CTDP1: variants seen among roughly 807,000 people sequenced by gnomAD.
The protein encoded by CTDP1 is RNA polymerase II subunit A C-terminal domain phosphatase.
Under a neutral mutation model 91.8 loss-of-function variants are expected in CTDP1, and 47 were observed. The observed-to-expected ratio is 0.51, with a 90% CI of 0.41 to 0.65. The LOEUF (loss-of-function observed/expected upper bound fraction) is 0.65, where lower values mean the gene tolerates loss of function less well. Ranked by LOEUF, CTDP1 falls within the 30% of genes least tolerant of loss-of-function variation. The pLI is 0.00. For synonymous variants in CTDP1, 656 were observed against 598.5 expected (o/e 1.10, Z -1.40); for missense variants, 1,272 against 1,373.7 (o/e 0.93, Z 1.17).
At chr18:79,689,190 C>G (rs1032860472) in intron 1 of CTDP1, among the ~76,000 whole-genome samples, 9 of 152,138 alleles carry the variant, frequency 5.9e-5, no homozygotes, top group African/African-American at 2.2e-4. Flanking sequence ...TGTATCATTG[C>G]CTGGTTTAGT....
intron 12 of CTDP1, among the ~76,000 whole-genome samples, chr18:79,748,964 G>A (rs539032251): frequency 3.3e-5 from 5 of 152,326 alleles, no homozygotes; most frequent in African/African-American, 4.8e-5. Context: ...GCTCTCCAGC[G>A]GGAGCTGAGG....
chr18:79,750,875 G>A (rs1340510099), intron 12 of CTDP1, among the ~76,000 whole-genome samples: 1 of 151,278 alleles, frequency 6.6e-6, no homozygotes, highest in Non-Finnish European at 1.5e-5. Flanking sequence ...GGATCCAGGG[G>A]TCCCAGTATG....
At chr18:79,687,916 G>A (rs1363895703) in intron 1 of CTDP1, among the ~76,000 whole-genome samples, 2 of 152,242 alleles carry the variant, frequency 1.3e-5, no homozygotes, top group South Asian at 2.1e-4. Context: ...TTTGAGACGT[G>A]CTGGGAACTG....
rs141176127 is a variant in CTDP1 at position 79,717,566 on chromosome 18, C to T, written c.2100C>T (p.Cys700=). 23 of 1,613,592 alleles carry T rather than the reference C, an allele frequency of 1.4e-5. No individual in the cohort carries two copies. The highest frequency in any genetic ancestry group is 4.4e-5 in the South Asian group (4 of 91,086). Residue 700 remains cysteine (C), a synonymous_variant, in exon 9 of 13, where the codon TGC becomes TGT. Coordinates refer to ENST00000613122, the MANE Select transcript of CTDP1 (RefSeq NM_004715.5). ...GTEKVLQAQE[C]GHLHVVNPDW... ...AGAAGGTGCTGCAGGCACAGGAGTG[C>T]GGACACCTGCACGTGGTCAACCCTG...
chr18:79,713,488 G>A lies in CTDP1; in HGVS notation c.1030+350G>A, dbSNP rs189286321. ...GTGTTCTGTAGAGAGAGTGAATGTG[G>A]GGGCGGTGGCTCTGCGGGGAATAAC... On this transcript the variant is annotated intron_variant, in intron 7 of 12. Transcript: ENST00000613122. The surrounding 1 kb of genome is among the most constrained non-coding windows in gnomAD (Gnocchi z 4.7). 6.6e-6 allele frequency among the ~76,000 whole-genome samples: 1 copy of A among 152,196 alleles called. No individual in the cohort carries two copies. Among genetic ancestry groups the A allele is most frequent in the Non-Finnish European group, 1.5e-5 (1 of 68,040 alleles).
At chr18:79,725,721 G>A (rs2086432481) in intron 10 of CTDP1, among the ~76,000 whole-genome samples, 1 of 151,992 alleles carries the variant, frequency 6.6e-6, no homozygotes, top group African/African-American at 2.4e-5. Flanking sequence ...GACCTGACCT[G>A]GAGTGTCCAT....
At chr18:79,679,611 T>G (rs2085309223), upstream of CTDP1, 4 of 475,584 alleles carry the variant, frequency 8.4e-6, no homozygotes, top group Admixed American at 2.3e-5. Context: ...GCGGCCCGCG[T>G]TGCATGCCGC....
chr18:79,705,587 C>T (rs905841773), intron 5 of CTDP1, among the ~76,000 whole-genome samples: 13 of 150,962 alleles, frequency 8.6e-5, no homozygotes, highest in Non-Finnish European at 1.6e-4. Context: ...GGGGACAGTG[C>T]GGGACGGCGA....
chr18:79,684,100 G>A (rs2085433743), intron 1 of CTDP1, among the ~76,000 whole-genome samples: 1 of 152,248 alleles, frequency 6.6e-6, no homozygotes, highest in Admixed American at 6.5e-5. Flanking sequence ...AGCGTCGCTT[G>A]TGTGCCATCA....
chr18:79,715,756 C>A (rs548860221), intron 8 of CTDP1, among the ~76,000 whole-genome samples: 1 of 152,202 alleles, frequency 6.6e-6, no homozygotes, highest in Non-Finnish European at 1.5e-5. Context: ...GGGAGTTACT[C>A]GTGTGTAGAA....
At chr18:79,720,145 CTGTGTCCTGGTGATGATGTCACCTGT>C (rs2086308224) in intron 10 of CTDP1, among the ~76,000 whole-genome samples, 1 of 130,158 alleles carries the variant, frequency 7.7e-6, no homozygotes, top group Non-Finnish European at 1.6e-5. Flanking sequence ...TCACCTCCCA[CTGTGTCCTGGTGATGATGTCACCTGT>C]TGTGTCCTGG....
chr18:79,719,177 G>A (rs2086282975), intron 10 of CTDP1, among the ~76,000 whole-genome samples: 1 of 152,210 alleles, frequency 6.6e-6, no homozygotes, highest in African/African-American at 2.4e-5. Context: ...GTTCCTCCCC[G>A]GTTTTCTGTT....
At chr18:79,706,961 C>A (rs1229078905) in intron 5 of CTDP1, among the ~76,000 whole-genome samples, 3 of 152,268 alleles carry the variant, frequency 2.0e-5, no homozygotes, top group Admixed American at 2.0e-4. Flanking sequence ...ATCTGGTGCC[C>A]GTGCAAGTGT....
intron 4 of CTDP1, among the ~76,000 whole-genome samples, chr18:79,701,988 C>T (rs550881022): frequency 1.3e-5 from 2 of 152,302 alleles, no homozygotes; most frequent in South Asian, 4.2e-4. Context: ...GGAATCTGCT[C>T]CTGGAGAAGA....
At chr18:79,697,229 G>A (rs1200386913) in intron 3 of CTDP1, among the ~76,000 whole-genome samples, 2 of 152,242 alleles carry the variant, frequency 1.3e-5, no homozygotes, top group Non-Finnish European at 2.9e-5. Flanking sequence ...CCCTGAGCGG[G>A]ACCAGGATTT....
rs1334549519 is a variant in CTDP1, at chr18:79,714,946, G to A, written c.1486G>A (p.Ala496Thr). Residue 496 changes from alanine to threonine, a missense_variant, in exon 8 of 13, where the codon GCG becomes ACG. Transcript: ENST00000613122. The stretch of plus-strand genomic sequence containing the variant: ...GAAGGCTGCCCCAGAGGGAGCCGGG[G>A]CGCTGGCACAGGGCAGTTCCCTGGA... ...KPKAAPEGAG[A>T]LAQGSSLEPG... is the part of the protein sequence containing the mutation. 2.6e-6 allele frequency: 4 copies of A among 1,563,960 alleles called. No homozygotes were observed. The East Asian group carries it at 7.0e-5, about 28-fold the overall frequency.
At chr18:79,735,120 C>T (rs1485337921) in intron 11 of CTDP1, among the ~76,000 whole-genome samples, 1 of 152,062 alleles carries the variant, frequency 6.6e-6, no homozygotes, top group African/African-American at 2.4e-5. Context: ...GAAGCGGCTT[C>T]ACACCGAGTC....
intron 10 of CTDP1, among the ~76,000 whole-genome samples, chr18:79,722,748 A>T (rs2086370041): frequency 6.6e-6 from 1 of 152,166 alleles, no homozygotes; most frequent in Admixed American, 6.5e-5. Flanking sequence ...TACATCAGAA[A>T]AAAGGAATCC....
At chr18:79,693,944 C>T (rs1451449619) in intron 1 of CTDP1, among the ~76,000 whole-genome samples, 3 of 152,240 alleles carry the variant, frequency 2.0e-5, no homozygotes, top group Non-Finnish European at 4.4e-5. Flanking sequence ...TCTCCCAGCA[C>T]AGCCTGCCAT....
Sources: allele counts gnomAD v4.1 joint callset (sites outside exome capture counted in the v4.1 genomes callset), GRCh38; gene constraint gnomAD v4.1.1; non-coding constraint Gnocchi (gnomAD v3.1); transcripts MANE v1.5; gene names NCBI Gene and HGNC (gene_info 2026-07-23, HGNC 2026-07-21).